The following CACNA2D1 variants were observed in gnomAD, a reference collection of about 807,000 sequenced individuals.
CACNA2D1 encodes calcium voltage-gated channel auxiliary subunit alpha2delta 1, also known as voltage-dependent calcium channel subunit alpha-2/delta-1.
CACNA2D1 carries 53 observed loss-of-function variants against 171.5 expected under a neutral mutation model. That is an observed-to-expected ratio of 0.31 (90% CI 0.25 to 0.39). CACNA2D1 has a LOEUF of 0.39. Ranked by LOEUF, CACNA2D1 falls within the 10% of genes least tolerant of loss-of-function variation. The probability of loss-of-function intolerance (pLI) is 1.00; values close to 1 mark genes in which losing one functional copy is unlikely to be tolerated. For synonymous variants in CACNA2D1, 442 were observed against 443.1 expected (o/e 1.00, Z 0.03); for missense variants, 903 against 1,299.8 (o/e 0.69, Z 4.69).
chr7:82,369,842 A>G (rs2129448099), intron 1 of CACNA2D1, among the ~76,000 whole-genome samples: 1 of 152,244 alleles, frequency 6.6e-6, no homozygotes, highest in African/African-American at 2.4e-5. Context: ...TAAAACAAAA[A>G]GAAAACCATT....
At chr7:82,402,327 C>T (rs551847159) in intron 1 of CACNA2D1, among the ~76,000 whole-genome samples, 5 of 152,268 alleles carry the variant, frequency 3.3e-5, no homozygotes, top group African/African-American at 9.6e-5. Context: ...TTTATTAACC[C>T]TCACAATAAA....
At chr7:82,295,532 T>C (rs1812162490) in intron 3 of CACNA2D1, among the ~76,000 whole-genome samples, 1 of 151,798 alleles carries the variant, frequency 6.6e-6, no homozygotes, top group African/African-American at 2.4e-5. Context: ...CTTTTTTTTT[T>C]CTTTTAAGAG....
intron 26 of CACNA2D1, 76 bp downstream of exon 26, chr7:81,971,701 T>C (rs1795293620): frequency 1.2e-6 from 1 of 826,182 alleles, no homozygotes; most frequent in Admixed American, 1.8e-5. Flanking sequence ...TTTATGAGAT[T>C]CATACCCAAT....
At chr7:82,351,004 A>G (rs1353384622) in intron 1 of CACNA2D1, among the ~76,000 whole-genome samples, 1 of 152,192 alleles carries the variant, frequency 6.6e-6, no homozygotes, top group Non-Finnish European at 1.5e-5. Flanking sequence ...CCCCATTCAT[A>G]TTAAAATCAT....
intron 1 of CACNA2D1, among the ~76,000 whole-genome samples, chr7:82,382,102 C>T (rs1823776476): frequency 6.6e-6 from 1 of 152,014 alleles, no homozygotes; most frequent in Non-Finnish European, 1.5e-5. Flanking sequence ...ATTGTGAATC[C>T]CAAAGTAAGA....
intron 24 of CACNA2D1, among the ~76,000 whole-genome samples, chr7:81,978,753 G>GTGTGTGTATATATATATATA (rs145105210): frequency 7.9e-5 from 11 of 139,478 alleles, no homozygotes; most frequent in Non-Finnish European, 1.2e-4. Flanking sequence ...TTTAAAAAGT[G>GTGTGTGTATATATATATATA]TATATATATA....
At chr7:82,015,582 A>G (rs1800350009) in intron 12 of CACNA2D1, among the ~76,000 whole-genome samples, 1 of 152,156 alleles carries the variant, frequency 6.6e-6, no homozygotes, top group South Asian at 2.1e-4. Flanking sequence ...GATTTTTACT[A>G]ATTTAGTAAT....
intron 1 of CACNA2D1, among the ~76,000 whole-genome samples, chr7:82,425,531 T>C (rs1401423946): frequency 6.7e-6 from 1 of 148,534 alleles, no homozygotes; most frequent in Non-Finnish European, 1.5e-5. Flanking sequence ...ATTTTAAACA[T>C]GAGATTCAAT....
intron 7 of CACNA2D1, among the ~76,000 whole-genome samples, chr7:82,070,298 C>T (rs753195336): frequency 7.9e-5 from 12 of 152,100 alleles, no homozygotes; most frequent in East Asian, 5.8e-4. Flanking sequence ...TATCTGCTCC[C>T]GAATAAAACT....
intron 20 of CACNA2D1, 42 bp downstream of exon 20, chr7:81,994,826 G>C (rs777539687): frequency 2.1e-6 from 2 of 944,540 alleles, no homozygotes; most frequent in Non-Finnish European, 3.5e-6. Flanking sequence ...AATTATTCTT[G>C]ATATAATTTT....
At chr7:82,427,255 T>G (rs1829280348) in intron 1 of CACNA2D1, among the ~76,000 whole-genome samples, 1 of 152,124 alleles carries the variant, frequency 6.6e-6, no homozygotes, top group African/African-American at 2.4e-5. Context: ...GATTTTTGCT[T>G]TCAGAAAGGA....
rs941194466 is a variant in CACNA2D1 at position 82,125,940 on chromosome 7, G to A, written c.397-8767C>T. Among the ~76,000 whole-genome samples, 9 of 151,964 alleles carry A rather than the reference G, an allele frequency of 5.9e-5. No homozygotes were observed. In the South Asian group the frequency reaches 6.2e-4, roughly 11 times the overall value. ...TTAACACATTCAGATACACAAACAC[G>A]CTCCATTTGATGCTAAGATCACTTC... is the stretch of plus-strand genomic sequence containing the variant. On this transcript the variant is annotated intron_variant, in intron 5 of 38. Coordinates refer to ENST00000356860, the MANE Select transcript of CACNA2D1 (RefSeq NM_000722.4).
intron 38 of CACNA2D1, among the ~76,000 whole-genome samples, chr7:81,950,774 T>A (rs1792427057): frequency 6.6e-6 from 1 of 152,062 alleles, no homozygotes; most frequent in South Asian, 2.1e-4. Context: ...GCTGTTTGAA[T>A]AATATACTAA....
In CACNA2D1 at chr7:82,063,492, A is replaced by G. The variant is rs547813410; in HGVS notation, c.779+812T>C. Among the ~76,000 whole-genome samples the G allele has an allele frequency of 1.1e-3, 171 of 152,238 alleles. 1 individual carries two copies. The highest frequency in any genetic ancestry group is 1.9e-3 in the Non-Finnish European group (127 of 68,002). On this transcript the variant is annotated intron_variant, in intron 9 of 38. Coordinates refer to ENST00000356860, the MANE Select transcript of CACNA2D1 (RefSeq NM_000722.4). Reference sequence around the variant, plus strand: ...TAAAATGGGGAAAATTCAAATGTTAATACTTGCCTGTGGGATTTAGCTGTC... The same window carrying G: ...TAAAATGGGGAAAATTCAAATGTTAGTACTTGCCTGTGGGATTTAGCTGTC...
intron 2 of CACNA2D1, among the ~76,000 whole-genome samples, chr7:82,339,118 A>G (rs1277212680): frequency 6.6e-6 from 1 of 152,214 alleles, no homozygotes; most frequent in Non-Finnish European, 1.5e-5. Context: ...AACAAAGTAA[A>G]GAAGATTAGA....
intron 1 of CACNA2D1, among the ~76,000 whole-genome samples, chr7:82,377,672 A>T (rs1823176122): frequency 6.6e-6 from 1 of 152,170 alleles, no homozygotes; most frequent in Non-Finnish European, 1.5e-5. Context: ...TAAAGGACAG[A>T]TCTTTTTCTT....
At chr7:82,163,177 C>T (rs2129136288) in intron 4 of CACNA2D1, among the ~76,000 whole-genome samples, 1 of 152,102 alleles carries the variant, frequency 6.6e-6, no homozygotes, top group South Asian at 2.1e-4. Flanking sequence ...TATTAGTCTC[C>T]ACATTTTCCA....
chr7:81,951,805 G>A (rs947122375), intron 38 of CACNA2D1, among the ~76,000 whole-genome samples: 60 of 151,858 alleles, frequency 4.0e-4, no homozygotes, highest in African/African-American at 1.4e-3. Context: ...ACATGCATGC[G>A]CAAGTGTCTT....
chr7:82,309,548 T>C (rs79980444), intron 3 of CACNA2D1, among the ~76,000 whole-genome samples: 3,861 of 152,312 alleles, frequency 0.025, 156 homozygotes, highest in East Asian at 0.14. Context: ...AACTGCTGCC[T>C]CTGTAATATT....
Sources: allele counts gnomAD v4.1 joint callset (sites outside exome capture counted in the v4.1 genomes callset), GRCh38; gene constraint gnomAD v4.1.1; transcripts MANE v1.5; gene names NCBI Gene and HGNC (gene_info 2026-07-23, HGNC 2026-07-21).